The following RGS9 variants were observed in gnomAD, a reference collection of about 807,000 sequenced individuals.
RGS9 encodes regulator of G protein signaling 9, also known as regulator of G-protein signalling 9.
A neutral mutation model predicts 102.0 loss-of-function variants in RGS9; 78 were observed. That is an observed-to-expected ratio of 0.76 (90% CI 0.64 to 0.92). The LOEUF (loss-of-function observed/expected upper bound fraction) is 0.92. Ranked by LOEUF, RGS9 falls within the 40% of genes least tolerant of loss-of-function variation. The pLI, the probability that RGS9 is intolerant of heterozygous loss-of-function variation, is 0.00. For missense variants in RGS9, 833 were observed against 866.1 expected, an observed-to-expected ratio of 0.96 and a Z score of 0.48; for synonymous variants, 353 against 318.6, an observed-to-expected ratio of 1.11 and a Z score of -1.15.
At chr17:65,215,988 C>A (rs895044919) in intron 17 of RGS9, among the ~76,000 whole-genome samples, 3 of 152,038 alleles carry the variant, frequency 2.0e-5, no homozygotes, top group Non-Finnish European at 4.4e-5. Context: ...GCGGAGCAAG[C>A]AGAACAGAAG....
chr17:65,200,708 C>A (rs1448914145), intron 13 of RGS9, among the ~76,000 whole-genome samples: 1 of 152,044 alleles, frequency 6.6e-6, no homozygotes, highest in Non-Finnish European at 1.5e-5. Flanking sequence ...TGCAGTTGAC[C>A]CTTGACCAAC....
intron 3 of RGS9, chr17:65,158,574 G>T (rs1455290990): frequency 1.7e-6 from 1 of 604,576 alleles, no homozygotes; most frequent in East Asian, 3.0e-5. Flanking sequence ...GGATAAGTGG[G>T]GAGGACTCAG....
At chr17:65,188,776 C>A (rs1033653088) in intron 9 of RGS9, 4 of 180,092 alleles carry the variant, frequency 2.2e-5, no homozygotes, top group Non-Finnish European at 4.8e-5. Flanking sequence ...CCATGCCTGG[C>A]TAATTTTTTT....
chr17:65,175,144 T>C (rs1326681867), intron 8 of RGS9, among the ~76,000 whole-genome samples: 1 of 151,774 alleles, frequency 6.6e-6, no homozygotes, highest in South Asian at 2.1e-4. Context: ...AGTGTGCATA[T>C]GTACATGTGG....
intron 9 of RGS9, among the ~76,000 whole-genome samples, chr17:65,186,473 GGTT>G (rs1390602682): frequency 8.5e-5 from 13 of 152,120 alleles, no homozygotes; most frequent in Non-Finnish European, 1.3e-4. Flanking sequence ...AAAGAGCTGG[GGTT>G]ACAGGCGTGA....
Position 65,204,251 on chromosome 17 carries a change from C to T in RGS9, c.1153C>T (p.Arg385Cys), listed in dbSNP as rs1598613775. 6 of 1,613,636 alleles carry T rather than the reference C, an allele frequency of 3.7e-6. No homozygotes were observed. The highest frequency in any genetic ancestry group is 2.2e-5 in the South Asian group (2 of 91,042). The change falls in exon 15 of 19, where the codon CGC becomes TGC. Residue 385 changes from arginine to cysteine, a missense_variant. Physicochemically the swap from Arg to Cys is radical, Grantham distance 180 (BLOSUM62 -3). Transcript: ENST00000262406. ...ITVKGLKHPH[R>C]YVLDAAQTHI... ...AGTGAAGGGGCTGAAGCACCCCCAC[C>T]GCTATGTGCTGGACGCCGCACAAAC...
intron 12 of RGS9, among the ~76,000 whole-genome samples, chr17:65,195,920 G>A (rs1368415012): frequency 1.3e-5 from 2 of 152,232 alleles, no homozygotes; most frequent in East Asian, 1.9e-4. Flanking sequence ...TCAGACATGC[G>A]TATTCTTGGG....
At chr17:65,170,783 A>G (rs1202923577) in intron 8 of RGS9, among the ~76,000 whole-genome samples, 1 of 152,154 alleles carries the variant, frequency 6.6e-6, no homozygotes, top group Non-Finnish European at 1.5e-5. Flanking sequence ...CCCCACATCT[A>G]ACCTCTTTCA....
chr17:65,191,560 G>A (rs1051717784), intron 11 of RGS9, among the ~76,000 whole-genome samples: 4 of 151,936 alleles, frequency 2.6e-5, no homozygotes, highest in African/African-American at 9.7e-5. Context: ...GACCAGCCTG[G>A]TCAAAATGGA....
intron 11 of RGS9, among the ~76,000 whole-genome samples, chr17:65,192,725 G>T (rs117150257): frequency 8.0e-4 from 122 of 152,088 alleles, no homozygotes; most frequent in Non-Finnish European, 1.5e-3. Context: ...TAGAAGAGAA[G>T]GAATTAGCTC....
chr17:65,213,010 A>G (rs1311856396), intron 17 of RGS9, among the ~76,000 whole-genome samples: 1 of 152,236 alleles, frequency 6.6e-6, no homozygotes, highest in African/African-American at 2.4e-5. Context: ...CTGGATTTGG[A>G]GAAAGCCTCC....
chr17:65,147,903 A>T (rs1193831466), intron 1 of RGS9, among the ~76,000 whole-genome samples: 1 of 151,978 alleles, frequency 6.6e-6, no homozygotes, highest in African/African-American at 2.4e-5. Flanking sequence ...TCTTTAAAAA[A>T]TTTTTATTTT....
chr17:65,180,119 A>G (rs1373704828), intron 9 of RGS9: 1 of 152,300 alleles, frequency 6.6e-6, no homozygotes, highest in East Asian at 1.9e-4. Context: ...CAGCCCCAGC[A>G]TGCTGTGGTT....
At chr17:65,181,626 T>A (rs929368315) in intron 9 of RGS9, among the ~76,000 whole-genome samples, 1 of 152,182 alleles carries the variant, frequency 6.6e-6, no homozygotes, top group African/African-American at 2.4e-5. Context: ...CAGGAGGTGA[T>A]GGGGGCAGGG....
intron 17 of RGS9, among the ~76,000 whole-genome samples, chr17:65,220,535 G>A (rs1913669093): frequency 6.6e-6 from 1 of 152,002 alleles, no homozygotes; most frequent in African/African-American, 2.4e-5. Flanking sequence ...CCATGGCAGA[G>A]TTTTCCCCAT....
At chr17:65,185,291 G>A (rs1912066334) in intron 9 of RGS9, 1 of 152,204 alleles carries the variant, frequency 6.6e-6, no homozygotes, top group African/African-American at 2.4e-5. Flanking sequence ...AAACGGCTGA[G>A]GCACAGACAG....
rs1205733341 is a variant in RGS9, at chr17:65,227,686, A to G, written c.*279A>G. 1.0e-5 allele frequency: 5 copies of G among 477,002 alleles called. No individual in the cohort carries two copies. The highest frequency in any genetic ancestry group is 1.9e-5 in the Non-Finnish European group (5 of 259,606). The allele number at this position is 477,002 out of a possible 1,614,324, so 29.5% of individuals were successfully genotyped here. A position where few individuals can be genotyped will look rare whatever the true frequency, so the allele number is the denominator to read the frequency against. ...CTGCCTTAAAACCAATAAAAGGTTA[A>G]CTTTAAGTTTCTTGGAATGTTAGTG... On this transcript the variant is annotated 3_prime_UTR_variant, in exon 19 of 19. Coordinates refer to ENST00000262406, the MANE Select transcript of RGS9 (RefSeq NM_003835.4).
chr17:65,189,039 C>T (rs1912249686), intron 9 of RGS9: 4 of 573,528 alleles, frequency 7.0e-6, no homozygotes, highest in Middle Eastern at 4.7e-4. Context: ...TGATCTTGGC[C>T]TTTAGGTGAG....
chr17:65,147,251 A>G (rs568119241), intron 1 of RGS9, among the ~76,000 whole-genome samples: 102 of 152,258 alleles, frequency 6.7e-4, no homozygotes, highest in Admixed American at 1.2e-3. Flanking sequence ...GGAAGCTGAC[A>G]GTCAGTCTTG....
Sources: allele counts gnomAD v4.1 joint callset (sites outside exome capture counted in the v4.1 genomes callset), GRCh38; gene constraint gnomAD v4.1.1; transcripts MANE v1.5; gene names NCBI Gene and HGNC (gene_info 2026-07-23, HGNC 2026-07-21).